Variants in ARHGAP22 observed in about 807,000 individuals in gnomAD.
The protein encoded by ARHGAP22 is Rho GTPase activating protein 22, also known as rho GTPase-activating protein 22.
A neutral mutation model predicts 59.1 loss-of-function variants in ARHGAP22; 48 were observed. The observed-to-expected ratio is 0.81, with a 90% CI of 0.64 to 1.03. The LOEUF is 1.03. Among genes scored for constraint, ARHGAP22 ranks in the 50% least tolerant of loss-of-function variants. The pLI, the probability that ARHGAP22 is intolerant of heterozygous loss-of-function variation, is 0.00. For missense variants in ARHGAP22, 1,015 were observed against 958.7 expected (o/e 1.06, Z -0.78); for synonymous variants, 445 against 416.4 (o/e 1.07, Z -0.84).
chr10:48,522,624 G>A (rs1047118963), intron 3 of ARHGAP22, among the ~76,000 whole-genome samples: 5 of 152,202 alleles, frequency 3.3e-5, no homozygotes, highest in African/African-American at 9.7e-5. Context: ...ACCTGCCCTC[G>A]GGGAGCATGC....
In ARHGAP22 at chr10:48,450,535, A is replaced by G. The variant is rs1228170414; in HGVS notation, c.1594T>C (p.Cys532Arg). Residue 532 changes from cysteine to arginine, a missense_variant, in exon 9 of 10, where the codon TGC becomes CGC. Transcript: ENST00000249601. ...VGGSLSSCTACRASDSSARSS... is the reference protein window; with the variant it reads ...VGGSLSSCTARRASDSSARSS... ...CGGGCAGACGAGTCGCTGGCGCGGC[A>G]GGCCGTGCAGCTGCTGAGTGAGCCC... 1 of 1,518,212 alleles carries G rather than the reference A, an allele frequency of 6.6e-7. No individual in the cohort carries two copies. The highest frequency in any genetic ancestry group is 8.8e-7 in the Non-Finnish European group (1 of 1,133,164). The allele number at this position is 1,518,212 out of a possible 1,614,324, so 94.0% of individuals were successfully genotyped here.
At chr10:48,491,613 C>T (rs368288300) in intron 3 of ARHGAP22, among the ~76,000 whole-genome samples, 26 of 152,382 alleles carry the variant, frequency 1.7e-4, no homozygotes, top group East Asian at 5.8e-4. Context: ...GGAGAGGACA[C>T]GCACTGAGCC....
At chr10:48,431,140 T>G in the ARHGAP22 span, 549 of 1,122,264 alleles carry the variant, frequency 4.9e-4, no homozygotes, top group Non-Finnish European at 6.7e-4. Flanking sequence ...ACATGCGTTG[T>G]GAGATTGGCT....
intron 3 of ARHGAP22, among the ~76,000 whole-genome samples, chr10:48,531,024 A>G (rs938450603): frequency 7.2e-5 from 11 of 152,256 alleles, no homozygotes; most frequent in Non-Finnish European, 1.3e-4. Flanking sequence ...ACCAGCCCAA[A>G]TTCCCATAAA....
chr10:48,543,588 C>T (rs1344623504), intron 3 of ARHGAP22, among the ~76,000 whole-genome samples: 1 of 152,142 alleles, frequency 6.6e-6, no homozygotes, highest in East Asian at 1.9e-4. Context: ...AGTTCTCAGA[C>T]CAGCAGCACC....
intron 8 of ARHGAP22, among the ~76,000 whole-genome samples, chr10:48,452,441 T>C (rs1589429171): frequency 6.6e-6 from 1 of 152,106 alleles, no homozygotes; most frequent in East Asian, 1.9e-4. Flanking sequence ...ACCAGGCAGG[T>C]AGGAGCTTGT....
chr10:48,471,501 T>C (rs1305868552), intron 4 of ARHGAP22, among the ~76,000 whole-genome samples: 1 of 152,160 alleles, frequency 6.6e-6, no homozygotes, highest in Non-Finnish European at 1.5e-5. Flanking sequence ...GCATCTCCAC[T>C]GGTTTAATGA....
chr10:48,613,922 ATTGTTATAAAAGCAGGG>A (rs1229850271), intron 1 of ARHGAP22, among the ~76,000 whole-genome samples: 1 of 152,168 alleles, frequency 6.6e-6, no homozygotes, highest in Non-Finnish European at 1.5e-5. Context: ...GTGAGATTGG[ATTGTTATAAAAGCAGGG>A]TTGATGTTCT....
Position 48,459,925 on chromosome 10 carries a change from C to A in ARHGAP22, c.452-34G>T, listed in dbSNP as rs764761540. ...AGAGAGGAGCTAGTCACACCCTCCACCACCCAGCTCAGTGTTGGGTGCTCA... is the reference window on the plus strand; with the variant it reads ...AGAGAGGAGCTAGTCACACCCTCCAACACCCAGCTCAGTGTTGGGTGCTCA... On this transcript the variant is annotated intron_variant, in intron 4 of 9. Coordinates refer to ENST00000249601, the MANE Select transcript of ARHGAP22 (RefSeq NM_021226.4). 12 of 1,595,284 alleles carry A rather than the reference C, an allele frequency of 7.5e-6. No individual in the cohort carries two copies. The South Asian group carries it at 1.2e-4, about 16-fold the overall frequency.
intron 1 of ARHGAP22, among the ~76,000 whole-genome samples, chr10:48,585,276 C>G (rs1389865902): frequency 6.6e-6 from 1 of 152,006 alleles, no homozygotes; most frequent in Admixed American, 6.5e-5. Flanking sequence ...TTCCTTTCAA[C>G]CTCCACATCC....
chr10:48,643,908 G>T (rs2062176774), intron 1 of ARHGAP22, among the ~76,000 whole-genome samples: 1 of 152,148 alleles, frequency 6.6e-6, no homozygotes. Flanking sequence ...AGCACTTGGG[G>T]AGGCCAAGGC....
At chr10:48,560,067 C>A (rs7916108) in intron 2 of ARHGAP22, among the ~76,000 whole-genome samples, 40,172 of 152,062 alleles carry the variant, frequency 0.26, 5,931 homozygotes, top group African/African-American at 0.39. Context: ...ACATGACAAA[C>A]ATTTAATTAA....
At chr10:48,522,271 C>T (rs1473308016) in intron 3 of ARHGAP22, among the ~76,000 whole-genome samples, 3 of 152,224 alleles carry the variant, frequency 2.0e-5, no homozygotes, top group African/African-American at 7.2e-5. Context: ...GCACTTCAGA[C>T]TCAGTGCCTA....
chr10:48,621,957 A>G (rs1191351105), intron 1 of ARHGAP22, among the ~76,000 whole-genome samples: 1 of 152,130 alleles, frequency 6.6e-6, no homozygotes, highest in African/African-American at 2.4e-5. Flanking sequence ...ATTTTAGTGT[A>G]GCCCCTCCTC....
chr10:48,500,228 C>T (rs1363920222), intron 3 of ARHGAP22, among the ~76,000 whole-genome samples: 2 of 152,140 alleles, frequency 1.3e-5, no homozygotes, highest in East Asian at 1.9e-4. Context: ...CCTGTAATCC[C>T]AGCTATGCAG....
rs554318574 is a variant in ARHGAP22, at chr10:48,644,450, G to A, written c.52+7784C>T. On this transcript the variant is annotated intron_variant, in intron 1 of 9. Coordinates refer to the ARHGAP22 transcript ENST00000435790. Reference sequence around the variant, plus strand: ...TAATTTGACCCAATCAACATACATAGGGCACTCCTAACAATGACTGCAGAA... The same window carrying A: ...TAATTTGACCCAATCAACATACATAAGGCACTCCTAACAATGACTGCAGAA... 3.3e-5 allele frequency among the ~76,000 whole-genome samples: 5 copies of A among 152,202 alleles called. No individual in the cohort carries two copies. In the East Asian group the frequency reaches 9.6e-4, roughly 29 times the overall value.
In ARHGAP22 at chr10:48,570,617, T is replaced by C. The variant is rs866130669; in HGVS notation, c.234+12336A>G. On this transcript the variant is annotated intron_variant, in intron 2 of 9. Transcript: ENST00000249601. ...AGATCTATGGGAGCAGCTTGGGAGG[T>C]AATCAGTTGCTTGTTCTTTTGTGGA... Among the ~76,000 whole-genome samples the C allele has an allele frequency of 3.3e-5, 5 of 152,204 alleles. No individual in the cohort carries two copies. In the Middle Eastern group the frequency reaches 0.01, roughly 311 times the overall value.
chr10:48,634,420 G>T (rs1380353061), intron 1 of ARHGAP22, among the ~76,000 whole-genome samples: 1 of 152,202 alleles, frequency 6.6e-6, no homozygotes, highest in East Asian at 1.9e-4. Context: ...ACTGTGGTTT[G>T]CCCATTTCAC....
At chr10:48,609,364 G>A (rs1304447473), upstream of ARHGAP22, among the ~76,000 whole-genome samples, 4 of 152,156 alleles carry the variant, frequency 2.6e-5, no homozygotes, top group South Asian at 2.1e-4. Flanking sequence ...TTACTTCTAG[G>A]CCTGGCTTCC....
Sources: allele counts gnomAD v4.1 joint callset (sites outside exome capture counted in the v4.1 genomes callset), GRCh38; gene constraint gnomAD v4.1.1; transcripts MANE v1.5; gene names NCBI Gene and HGNC (gene_info 2026-07-23, HGNC 2026-07-21).